The following PLPP7 variants were observed in gnomAD, a reference collection of about 807,000 sequenced individuals.
PLPP7 encodes inactive phospholipid phosphatase 7.
Under a neutral mutation model 16.9 loss-of-function variants are expected in PLPP7, and 11 were observed. The ratio of observed to expected loss-of-function variants is 0.65; its 90% CI spans 0.41 to 1.08. The LOEUF (loss-of-function observed/expected upper bound fraction) is 1.08. Among genes scored for constraint, PLPP7 ranks in the 50% least tolerant of loss-of-function variants. The pLI is 0.00. For missense variants in PLPP7, 358 were observed against 397.1 expected (o/e 0.90, Z 0.84); for synonymous variants, 174 against 175.1 (o/e 0.99, Z 0.05).
intron 1 of PLPP7, among the ~76,000 whole-genome samples, chr9:131,298,764 G>A (rs1339824229): frequency 6.6e-6 from 1 of 152,248 alleles, no homozygotes; most frequent in Non-Finnish European, 1.5e-5. Context: ...GCCTCTGGGA[G>A]CCTCCAGCAC....
At chr9:131,296,221 G>A (rs896215928) in intron 1 of PLPP7, among the ~76,000 whole-genome samples, 2 of 152,128 alleles carry the variant, frequency 1.3e-5, no homozygotes, top group Admixed American at 1.3e-4. Context: ...ATCTCTTGTG[G>A]TTTTGGGTAT....
rs940866528 is a variant in PLPP7 at position 131,308,494 on chromosome 9, G to T, written c.*207G>T. 2.4e-6 allele frequency: 2 copies of T among 840,170 alleles called. No individual in the cohort carries two copies. Among genetic ancestry groups the T allele is most frequent in the Non-Finnish European group, 3.6e-6 (2 of 560,906 alleles). 52.0% of individuals were successfully genotyped at this position (840,170 alleles called of 1,614,324 possible). ...CGTGTTTGGCAGTGCCAGGCCTCTT[G>T]CCCCTTTGCTTGGACTCCAAGTCTC... is the stretch of plus-strand genomic sequence containing the variant. On this transcript the variant is annotated 3_prime_UTR_variant, in exon 2 of 2. Coordinates refer to ENST00000372264, the MANE Select transcript of PLPP7 (RefSeq NM_032728.4).
chr9:131,302,734 C>T (rs550336363), intron 1 of PLPP7, among the ~76,000 whole-genome samples: 1 of 152,324 alleles, frequency 6.6e-6, no homozygotes, highest in African/African-American at 2.4e-5. Flanking sequence ...GGGTGCAAGG[C>T]TCTCAGCCAG....
chr9:131,307,585 C>T (rs1490521334), intron 1 of PLPP7, among the ~76,000 whole-genome samples: 2 of 103,572 alleles, frequency 1.9e-5, no homozygotes, highest in Admixed American at 1.9e-4. Context: ...AAAAAAAAAA[C>T]CCAAAGAAAT....
Position 131,308,533 on chromosome 9 carries a change from C to T in PLPP7, c.*246C>T. ...ACTCCAAGTCTCCTCTCTAGGCAGCCAGGACCCACCCATGGGGACAGCCCT... is the reference window on the plus strand; with the variant it reads ...ACTCCAAGTCTCCTCTCTAGGCAGCTAGGACCCACCCATGGGGACAGCCCT... On this transcript the variant is annotated 3_prime_UTR_variant, in exon 2 of 2. Coordinates refer to ENST00000372264, the MANE Select transcript of PLPP7 (RefSeq NM_032728.4). 1 of 604,914 alleles carries T rather than the reference C, an allele frequency of 1.7e-6. No individual in the cohort carries two copies. Among genetic ancestry groups the T allele is most frequent in the African/African-American group, 1.9e-5 (1 of 53,406 alleles). 37.5% of individuals were successfully genotyped at this position (604,914 alleles called of 1,614,324 possible).
intron 1 of PLPP7, among the ~76,000 whole-genome samples, chr9:131,301,610 T>C (rs2483474): frequency 0.67 from 102,449 of 152,012 alleles, 35,350 homozygotes; most frequent in Middle Eastern, 0.78. Flanking sequence ...TTCGCTGGTG[T>C]TCCTGCACGG....
intron 1 of PLPP7, among the ~76,000 whole-genome samples, chr9:131,294,486 G>T (rs927519456): frequency 7.9e-5 from 12 of 152,018 alleles, no homozygotes; most frequent in African/African-American, 2.9e-4. Context: ...TCTCCCTCCC[G>T]AGCAGCACCC....
chr9:131,305,439 G>A lies in PLPP7; in HGVS notation c.452-2484G>A, dbSNP rs563539968. On this transcript the variant is annotated intron_variant, in intron 1 of 1. Coordinates refer to ENST00000372264, the MANE Select transcript of PLPP7 (RefSeq NM_032728.4). The stretch of plus-strand genomic sequence containing the variant: ...GGCATGGTGGCACACTTGTAGTCTC[G>A]GTGGCTCAGGAGACTGAGGGAGGAG... Among the ~76,000 whole-genome samples the A allele has an allele frequency of 5.5e-5, 8 of 146,524 alleles. No individual in the cohort carries two copies. The South Asian group carries it at 6.7e-4, about 12-fold the overall frequency.
At chr9:131,291,137 A>C in intron 1 of PLPP7, 1 of 1,366,496 alleles carries the variant, frequency 7.3e-7, no homozygotes, top group Non-Finnish European at 9.8e-7. Flanking sequence ...GCCAGGTGCC[A>C]CGTGGGGCCC....
chr9:131,290,736 G>A lies in PLPP7; in HGVS notation c.451+288G>A, dbSNP rs1169420248. ...CAAAAGGCACCGCTGCCCAGAGGCA[G>A]CTTGAAGGGAGGCTGGGCCAGAGGC... On this transcript the variant is annotated intron_variant, in intron 1 of 1. Transcript: ENST00000372264. This position sits in a 1 kb window ranked among gnomAD's most constrained non-coding sequence, Gnocchi z 4.2. 6.6e-6 allele frequency among the ~76,000 whole-genome samples: 1 copy of A among 152,236 alleles called. No individual in the cohort carries two copies. The highest frequency in any genetic ancestry group is 2.4e-5 in the African/African-American group (1 of 41,462).
chr9:131,308,342 G>T lies in PLPP7; in HGVS notation c.*55G>T, dbSNP rs1588211729. 1 of 1,509,528 alleles carries T rather than the reference G, an allele frequency of 6.6e-7. No homozygotes were observed. The highest frequency in any genetic ancestry group is 8.8e-7 in the Non-Finnish European group (1 of 1,132,374). The allele number at this position is 1,509,528 out of a possible 1,614,324, so 93.5% of individuals were successfully genotyped here. A position where few individuals can be genotyped will look rare whatever the true frequency, so the allele number is the denominator to read the frequency against. On this transcript the variant is annotated 3_prime_UTR_variant, in exon 2 of 2. Coordinates refer to ENST00000372264, the MANE Select transcript of PLPP7 (RefSeq NM_032728.4). ...GGGCAGGGCTGGCCCTAGAGAAGGG[G>T]CAGGGGGTGGCGAGGTGGCGGGCGT...
At chr9:131,291,557 CTTTT>C (rs940950338) in intron 1 of PLPP7, 135 of 161,696 alleles carry the variant, frequency 8.3e-4, no homozygotes, top group South Asian at 1.8e-3. Flanking sequence ...TTTCTTGTTC[CTTTT>C]TTTTTTTTTT....
In PLPP7 at chr9:131,308,243, T is replaced by C. The variant is rs779664263; in HGVS notation, c.772T>C (p.Trp258Arg). ...CCAGTTCCGTCTGGTGGAGCTGGTCTGGATGCCCTCCAGCACCTGCCAGAT... is the reference window on the plus strand; with the variant it reads ...CCAGTTCCGTCTGGTGGAGCTGGTCCGGATGCCCTCCAGCACCTGCCAGAT... ...YLQFRLVELV[W>R]MPSSTCQMLI... Residue 258 changes from tryptophan (W) to arginine (R), a missense_variant, in exon 2 of 2, where the codon TGG (tryptophan) becomes CGG (arginine). Transcript: ENST00000372264. The C allele has an allele frequency of 5.0e-6, 8 of 1,599,004 alleles. No homozygotes were observed. Among genetic ancestry groups the C allele is most frequent in the Non-Finnish European group, 5.9e-6 (7 of 1,179,676 alleles).
rs1835649283 is a variant in PLPP7 at position 131,290,143 on chromosome 9, C to T, written c.146C>T (p.Pro49Leu). ...GRKASGPSAQ[P>L]PPAGDGARER... is the part of the protein sequence containing the mutation. ...AAGGCCTCGGGCCCATCAGCACAGC[C>T]CCCACCTGCTGGTGACGGGGCCAGA... The change falls in exon 1 of 2, where the codon CCC (proline) becomes CTC (leucine). Residue 49 changes from proline (P) to leucine (L), a missense_variant. By Grantham distance (98) the Pro-to-Leu change is moderately conservative. Transcript: ENST00000372264. This position sits in a 1 kb window ranked among gnomAD's most constrained non-coding sequence, Gnocchi z 4.2. The T allele has an allele frequency of 6.3e-7, 1 of 1,576,212 alleles. No individual in the cohort carries two copies. The highest frequency in any genetic ancestry group is 1.7e-5 in the Admixed American group (1 of 57,258).
intron 1 of PLPP7, among the ~76,000 whole-genome samples, chr9:131,307,333 C>T (rs1282971655): frequency 1.3e-5 from 2 of 151,144 alleles, no homozygotes; most frequent in African/African-American, 2.4e-5. Flanking sequence ...GGGTGGATCA[C>T]CTGAGGTCAG....
intron 1 of PLPP7, among the ~76,000 whole-genome samples, chr9:131,304,845 T>A (rs1835836999): frequency 6.6e-6 from 1 of 152,102 alleles, no homozygotes; most frequent in African/African-American, 2.4e-5. Context: ...GATGCCTCAG[T>A]GACTGCGGGG....
intron 1 of PLPP7, among the ~76,000 whole-genome samples, chr9:131,294,368 G>A (rs974365979): frequency 5.9e-5 from 9 of 152,186 alleles, no homozygotes; most frequent in African/African-American, 2.2e-4. Flanking sequence ...CGGTTAAGTA[G>A]CAATGATTAT....
chr9:131,307,530 T>TGC (rs1835866001), intron 1 of PLPP7, among the ~76,000 whole-genome samples: 1 of 131,988 alleles, frequency 7.6e-6, no homozygotes, highest in African/African-American at 3.0e-5. Context: ...CCAGCCTGGT[T>TGC]GACAAAGTGA....
Position 131,290,066 on chromosome 9 carries a change from G to C in PLPP7, c.69G>C (p.Leu23=). Residue 23 remains leucine (L), a synonymous_variant, in exon 1 of 2, where the codon CTG becomes CTC. Coordinates refer to ENST00000372264, the MANE Select transcript of PLPP7 (RefSeq NM_032728.4). The surrounding 1 kb of genome is among the most constrained non-coding windows in gnomAD (Gnocchi z 4.2). ...ACGTCCTCAACCGGGCTGAGTTCCT[G>C]TCCCTGAACCAGCCCCCCAAGGGGG... ...RNNVLNRAEF[L]SLNQPPKGGP... 1 of 1,489,606 alleles carries C rather than the reference G, an allele frequency of 6.7e-7. No individual in the cohort carries two copies. The highest frequency in any genetic ancestry group is 2.5e-5 in the East Asian group (1 of 40,688). 92.3% of individuals were successfully genotyped at this position (1,489,606 alleles called of 1,614,324 possible).
Sources: gnomAD v4.1 joint callset for allele counts (sites outside exome capture counted in the v4.1 genomes callset) on GRCh38, gnomAD v4.1.1 for gene constraint, Gnocchi (gnomAD v3.1) non-coding constraint, MANE v1.5 for transcripts, NCBI Gene and HGNC (gene_info 2026-07-23, HGNC 2026-07-21) for gene names.